IDH1: variants seen among roughly 807,000 people sequenced by gnomAD.
The protein encoded by IDH1 is isocitrate dehydrogenase [NADP] cytoplasmic.
IDH1 carries 33 observed loss-of-function variants against 46.1 expected under a neutral mutation model. The observed-to-expected ratio is 0.72, with a 90% CI of 0.54 to 0.96. The LOEUF (loss-of-function observed/expected upper bound fraction) is 0.96, where lower values mean the gene tolerates loss of function less well. IDH1 is among the 40% of genes least tolerant of loss of function. The pLI is 0.00. For synonymous variants in IDH1, 144 were observed against 172.8 expected, an observed-to-expected ratio of 0.83 and a Z score of 1.31; for missense variants, 421 against 515.7, an observed-to-expected ratio of 0.82 and a Z score of 1.78.
rs528249056 is a variant in IDH1 at position 208,239,761 on chromosome 2, G to C, written c.991+102C>G. 48 of 1,059,232 alleles carry C rather than the reference G, an allele frequency of 4.5e-5. No homozygotes were observed. The African/African-American group carries it at 6.5e-4, about 14-fold the overall frequency. The allele number at this position is 1,059,232 out of a possible 1,614,324, so 65.6% of individuals were successfully genotyped here. On this transcript the variant is annotated intron_variant, in intron 8 of 9. Transcript: ENST00000345146. The stretch of plus-strand genomic sequence containing the variant: ...TACTAGTAGAACAAATCAGCTACTT[G>C]GTGATGACTTTGCACACAAAACACT...
intron 9 of IDH1, among the ~76,000 whole-genome samples, 166 bp from the exon 10 acceptor site, chr2:208,237,335 G>A (rs555920144): frequency 3.7e-4 from 56 of 152,200 alleles, no homozygotes; most frequent in African/African-American, 1.3e-3. Flanking sequence ...CTATGTTCAG[G>A]GTTCCTGGGG....
Position 208,239,930 on chromosome 2 carries a change from G to C in IDH1, c.924C>G (p.Ala308=). 1.2e-6 allele frequency: 2 copies of C among 1,614,084 alleles called. No individual in the cohort carries two copies. Among genetic ancestry groups the C allele is most frequent in the Middle Eastern group, 3.3e-4 (2 of 6,060 alleles). The part of the protein sequence containing the change: ...PDGKTVEAEA[A]HGTVTRHYRM... The stretch of plus-strand genomic sequence containing the variant: ...GGTAGTGACGGGTTACAGTCCCGTG[G>C]GCAGCCTCTGCTTCTACTGTCTTGC... The change falls in exon 8 of 10, where the codon GCC becomes GCG. Residue 308 remains alanine, a synonymous_variant. Coordinates refer to ENST00000345146, the MANE Select transcript of IDH1 (RefSeq NM_005896.4).
chr2:208,237,209 C>T (rs750167144), intron 9 of IDH1, 40 bp from the exon 10 acceptor site: 2 of 1,048,114 alleles, frequency 1.9e-6, no homozygotes, highest in East Asian at 2.4e-5. Context: ...TAGTTGGTCT[C>T]TGATATGGTA....
chr2:208,241,596 G>A (rs1328429414), intron 7 of IDH1, among the ~76,000 whole-genome samples: 1 of 152,052 alleles, frequency 6.6e-6, no homozygotes, highest in Admixed American at 6.6e-5. Flanking sequence ...AGGTCCTGCT[G>A]CCCAATAAAT....
intron 9 of IDH1, 113 bp downstream of exon 9, chr2:208,238,958 C>A (rs1687866696): frequency 2.0e-6 from 2 of 982,226 alleles, no homozygotes; most frequent in Admixed American, 3.5e-5. Flanking sequence ...TCTGCTGACT[C>A]CTGAACTAGA....
chr2:208,245,545 T>TA, intron 4 of IDH1, 121 bp from the exon 5 acceptor site: 28 of 514,918 alleles, frequency 5.4e-5, no homozygotes, highest in African/African-American at 8.1e-5. Flanking sequence ...ATGTCAAACT[T>TA]CTTTTTTTTT....
At chr2:208,248,683 C>G (rs1559362503) in intron 3 of IDH1, 23 bp from the exon 4 acceptor site, 1 of 1,606,580 alleles carries the variant, frequency 6.2e-7, no homozygotes, top group Non-Finnish European at 8.5e-7. Flanking sequence ...AAATTAGAAG[C>G]AAAGTTTTTC....
rs1010190017 is a variant in IDH1 at position 208,243,343 on chromosome 2, A to T, written c.698+84T>A. 4 of 1,051,228 alleles carry T rather than the reference A, an allele frequency of 3.8e-6. No individual in the cohort carries two copies. The East Asian group carries it at 9.6e-5, about 25-fold the overall frequency. 65.1% of individuals were successfully genotyped at this position (1,051,228 alleles called of 1,614,324 possible). Reference sequence around the variant, plus strand: ...ATTTTCACTCAATTTACCCAGAATCATAGGGATAGGGAGATACATACTCTA... The same window carrying T: ...ATTTTCACTCAATTTACCCAGAATCTTAGGGATAGGGAGATACATACTCTA... On this transcript the variant is annotated intron_variant, in intron 6 of 9. Coordinates refer to ENST00000345146, the MANE Select transcript of IDH1 (RefSeq NM_005896.4).
chr2:208,242,264 T>A, intron 6 of IDH1, 119 bp from the exon 7 acceptor site: 2 of 925,616 alleles, frequency 2.2e-6, no homozygotes, highest in Admixed American at 3.7e-5. Context: ...TTAGTAGAAG[T>A]AGCAGAAACT....
intron 4 of IDH1, among the ~76,000 whole-genome samples, chr2:208,245,792 A>ACCCC (rs1196961348): frequency 2.8e-5 from 2 of 70,914 alleles, no homozygotes; most frequent in African/African-American, 4.8e-5. Context: ...CCCCCCCCAA[A>ACCCC]AAAAAAAAAA....
chr2:208,245,660 A>G (rs919945180), intron 4 of IDH1, among the ~76,000 whole-genome samples: 3 of 150,048 alleles, frequency 2.0e-5, no homozygotes, highest in African/African-American at 7.4e-5. Context: ...CTGAGCACTG[A>G]TTTGAAGAGG....
rs62193614 is a variant in IDH1, at chr2:208,239,979, G to A, written c.875C>T (p.Thr292Ile). 2 of 1,614,192 alleles carry A rather than the reference G, an allele frequency of 1.2e-6. No homozygotes were observed. The highest frequency in any genetic ancestry group is 1.7e-6 in the Non-Finnish European group (2 of 1,180,016). ...AQGYGSLGMM[T>I]SVLVCPDGKT... is the part of the protein sequence containing the mutation. ...GCCATCTGGACAAACCAGCACGCTG[G>A]TCATCATGCCGAGAGAGCCATACCC... The change falls in exon 8 of 10, where the codon ACC (threonine) becomes ATC (isoleucine). Residue 292 changes from threonine to isoleucine, a missense_variant. Coordinates refer to ENST00000345146, the MANE Select transcript of IDH1 (RefSeq NM_005896.4).
At chr2:208,249,192 CCTT>C (rs1196026109) in intron 3 of IDH1, among the ~76,000 whole-genome samples, 120 of 149,516 alleles carry the variant, frequency 8.0e-4, no homozygotes, top group African/African-American at 2.7e-3. Flanking sequence ...TGAGCCTTTC[CCTT>C]TTTTTTTTTT....
chr2:208,245,512 G>C (rs906211960), intron 4 of IDH1, 88 bp from the exon 5 acceptor site: 46 of 590,562 alleles, frequency 7.8e-5, no homozygotes, highest in African/African-American at 5.9e-4. Context: ...AGACCTAGAA[G>C]ACACCTAGAC....
intron 3 of IDH1, among the ~76,000 whole-genome samples, chr2:208,250,012 C>G (rs1688093559): frequency 6.6e-6 from 1 of 152,146 alleles, no homozygotes; most frequent in Admixed American, 6.5e-5. Context: ...AGACCACTGT[C>G]CAGCCTACAT....
chr2:208,243,670 G>T (rs1052259077), intron 5 of IDH1, 66 bp from the exon 6 acceptor site: 4 of 1,316,450 alleles, frequency 3.0e-6, no homozygotes, highest in Non-Finnish European at 4.4e-6. Context: ...TTGTAATAAG[G>T]CTAAAATCAC....
intron 5 of IDH1, among the ~76,000 whole-genome samples, chr2:208,243,846 A>G (rs1687967978): frequency 6.6e-6 from 1 of 152,266 alleles, no homozygotes; most frequent in African/African-American, 2.4e-5. Flanking sequence ...ATGAAAAAAC[A>G]TACAGTCTTT....
rs200227531 is a variant in IDH1, at chr2:208,237,207, C to A, written c.1155-38G>T. The A allele has an allele frequency of 2.6e-5, 28 of 1,076,694 alleles. No homozygotes were observed. The East Asian group carries it at 5.8e-4, about 22-fold the overall frequency. 66.7% of individuals were successfully genotyped at this position (1,076,694 alleles called of 1,614,324 possible). On this transcript the variant is annotated intron_variant, in intron 9 of 9. Transcript: ENST00000345146. ...AAAAAAAAAAGAAAATTTAGTTGGT[C>A]TCTGATATGGTAGCAGGTAGTGGTA...
chr2:208,253,762 G>C (rs185760535), intron 2 of IDH1, 124 bp downstream of exon 2: 3 of 152,296 alleles, frequency 2.0e-5, no homozygotes, highest in African/African-American at 4.8e-5. Context: ...GTTGGAATTC[G>C]TTGTTGGAAA....
Sources: gnomAD v4.1 joint callset for allele counts (sites outside exome capture counted in the v4.1 genomes callset) on GRCh38, gnomAD v4.1.1 for gene constraint, MANE v1.5 for transcripts, NCBI Gene and HGNC (gene_info 2026-07-23, HGNC 2026-07-21) for gene names.